Variants in SIDT1 observed in about 807,000 individuals in gnomAD.
SIDT1 encodes SID1 transmembrane family member 1, also known as SID1 transmembrane family, member 1.
A neutral mutation model predicts 107.5 loss-of-function variants in SIDT1; 101 were observed. That is an observed-to-expected ratio of 0.94 (90% CI 0.80 to 1.11). The LOEUF is 1.11. SIDT1 is among the 50% of genes least tolerant of loss of function. The pLI is 0.00. For synonymous variants in SIDT1, 395 were observed against 398.2 expected (o/e 0.99, Z 0.10); for missense variants, 1,076 against 1,058.2 (o/e 1.02, Z -0.23).
At chr3:113,574,338 G>C (rs1942725061) in intron 3 of SIDT1, among the ~76,000 whole-genome samples, 1 of 152,208 alleles carries the variant, frequency 6.6e-6, no homozygotes, top group South Asian at 2.1e-4. Flanking sequence ...GTTCATAGCA[G>C]ATGGCAGAAG....
chr3:113,542,936 G>GTTTGTTTGTT (rs1458573441), intron 1 of SIDT1, among the ~76,000 whole-genome samples: 1 of 118,428 alleles, frequency 8.4e-6, no homozygotes, highest in African/African-American at 3.2e-5. Context: ...GTGTGTGTGT[G>GTTTGTTTGTT]TGTTTGTTTG....
Position 113,612,112 on chromosome 3 carries a change from C to G in SIDT1, c.1884C>G (p.Phe628Leu), listed in dbSNP as rs775453121. The change falls in exon 19 of 25, where the codon TTC becomes TTG. Residue 628 changes from phenylalanine (F) to leucine (L), a missense_variant. Phe to Leu is a conservative substitution (Grantham distance 22). Transcript: ENST00000264852. ...TGTTTGGAAAAAATGACGTATGGTT[C>G]TGGGTCATCTTCTCTGCAATCCACG... ...GVVFGKNDVW[F>L]WVIFSAIHVL... The G allele has an allele frequency of 6.2e-7, 1 of 1,614,054 alleles. No homozygotes were observed. Among genetic ancestry groups the G allele is most frequent in the African/African-American group, 1.3e-5 (1 of 75,020 alleles).
intron 1 of SIDT1, among the ~76,000 whole-genome samples, chr3:113,564,486 G>A (rs1427875883): frequency 6.6e-6 from 1 of 152,196 alleles, no homozygotes; most frequent in Admixed American, 6.5e-5. Context: ...GGAGTCGGAA[G>A]ACTAGACAGC....
At chr3:113,590,630 CAA>C (rs1226826328) in intron 9 of SIDT1, among the ~76,000 whole-genome samples, 3 of 151,916 alleles carry the variant, frequency 2.0e-5, no homozygotes, top group Non-Finnish European at 4.4e-5. Context: ...TTCTTGAGAT[CAA>C]TATGCAAAAA....
At chr3:113,599,535 G>A (rs148940127) in intron 10 of SIDT1, among the ~76,000 whole-genome samples, 11 of 152,318 alleles carry the variant, frequency 7.2e-5, no homozygotes, top group Non-Finnish European at 1.3e-4. Context: ...TACAACAGAA[G>A]GTTATTCAGC....
intron 1 of SIDT1, among the ~76,000 whole-genome samples, chr3:113,539,289 T>G (rs1373245289): frequency 6.6e-6 from 1 of 152,206 alleles, no homozygotes; most frequent in Non-Finnish European, 1.5e-5. Flanking sequence ...TTTAAATTGT[T>G]CATCTTTGGC....
rs898110781 is a variant in SIDT1, at chr3:113,577,782, A to C, written c.561+815A>C. ...GCTTTGGAGTAGTAAAACTGGGATT[A>C]ACATGGACTTGTTGTAAATATACTA... On this transcript the variant is annotated intron_variant, in intron 4 of 24. Coordinates refer to ENST00000264852, the MANE Select transcript of SIDT1 (RefSeq NM_017699.3). Among the ~76,000 whole-genome samples the C allele has an allele frequency of 1.2e-4, 19 of 152,252 alleles. 1 individual carries two copies. The highest frequency in any genetic ancestry group is 5.9e-5 in the Non-Finnish European group (4 of 68,050).
chr3:113,617,916 G>GC (rs1946215688), intron 20 of SIDT1, among the ~76,000 whole-genome samples: 2 of 152,066 alleles, frequency 1.3e-5, no homozygotes, highest in Admixed American at 1.3e-4. Context: ...CAGTTGATGA[G>GC]CCTACACTGA....
In SIDT1 at chr3:113,562,801, A is replaced by G. The variant is rs188760400; in HGVS notation, c.223-3619A>G. Among the ~76,000 whole-genome samples, 468 of 152,352 alleles carry G rather than the reference A, an allele frequency of 3.1e-3. 11 individuals carry two copies. Among genetic ancestry groups the G allele is most frequent in the Admixed American group, 0.026 (399 of 15,296 alleles). ...TTGGTGATGGTCCCACAACTTGGTGAATATATTAAAAACTACTGAATTATG... is the reference window on the plus strand; with the variant it reads ...TTGGTGATGGTCCCACAACTTGGTGGATATATTAAAAACTACTGAATTATG... On this transcript the variant is annotated intron_variant, in intron 1 of 24. Coordinates refer to ENST00000264852, the MANE Select transcript of SIDT1 (RefSeq NM_017699.3).
chr3:113,544,691 T>C (rs2107618030), intron 1 of SIDT1, among the ~76,000 whole-genome samples: 1 of 152,314 alleles, frequency 6.6e-6, no homozygotes. Flanking sequence ...GCATCCTTAG[T>C]GCGTCGTATC....
At chr3:113,570,553 G>A (rs979866265) in intron 3 of SIDT1, among the ~76,000 whole-genome samples, 1 of 152,228 alleles carries the variant, frequency 6.6e-6, no homozygotes, top group Non-Finnish European at 1.5e-5. Flanking sequence ...TGGTGAAACT[G>A]CAAATCTATT....
chr3:113,626,007 C>A, intron 23 of SIDT1, 95 bp from the exon 24 acceptor site: 1 of 829,708 alleles, frequency 1.2e-6, no homozygotes, highest in Non-Finnish European at 2.1e-6. Context: ...TCGAACCAGA[C>A]ATCTAGTAGC....
chr3:113,558,185 T>C (rs1941079338), intron 1 of SIDT1, among the ~76,000 whole-genome samples: 1 of 152,132 alleles, frequency 6.6e-6, no homozygotes, highest in African/African-American at 2.4e-5. Context: ...AAAATGAGGG[T>C]TGTCACTCAG....
chr3:113,538,280 T>C (rs1938420323), intron 1 of SIDT1, among the ~76,000 whole-genome samples: 1 of 152,170 alleles, frequency 6.6e-6, no homozygotes, highest in Admixed American at 6.5e-5. Context: ...AGGGCATCAG[T>C]GTGTGTCATG....
At chr3:113,533,320 TG>T in intron 1 of SIDT1, 77 bp downstream of exon 1, 1 of 1,172,344 alleles carries the variant, frequency 8.5e-7, no homozygotes, top group South Asian at 2.2e-5. Context: ...TGGAGTCCCC[TG>T]GGAATTGACC....
intron 1 of SIDT1, among the ~76,000 whole-genome samples, chr3:113,542,076 A>G (rs924539477): frequency 2.0e-5 from 3 of 151,888 alleles, no homozygotes; most frequent in Admixed American, 2.0e-4. Context: ...GGTGCGTGCC[A>G]CCACGCCCAG....
At chr3:113,587,674 C>T (rs1943843866) in intron 9 of SIDT1, among the ~76,000 whole-genome samples, 1 of 152,208 alleles carries the variant, frequency 6.6e-6, no homozygotes, top group Non-Finnish European at 1.5e-5. Flanking sequence ...TGCCCCTCAA[C>T]AGTGGGTACT....
intron 10 of SIDT1, 83 bp downstream of exon 10, chr3:113,593,131 C>A: frequency 8.5e-7 from 1 of 1,170,334 alleles, no homozygotes; most frequent in Non-Finnish European, 1.3e-6. Context: ...TACCTCTCTG[C>A]CTTTTGCAAT....
intron 4 of SIDT1, among the ~76,000 whole-genome samples, chr3:113,579,761 CG>C (rs1943188380): frequency 6.6e-6 from 1 of 152,110 alleles, no homozygotes; most frequent in African/African-American, 2.4e-5. Context: ...GAGCCTGTTT[CG>C]GTTGCTTTTC....
Sources: allele counts gnomAD v4.1 joint callset (sites outside exome capture counted in the v4.1 genomes callset), GRCh38; gene constraint gnomAD v4.1.1; transcripts MANE v1.5; gene names NCBI Gene and HGNC (gene_info 2026-07-23, HGNC 2026-07-21).